CYP20A1: variants seen among roughly 807,000 people sequenced by gnomAD.
CYP20A1 encodes cytochrome P450 20A1.
In CYP20A1, 61 loss-of-function variants were observed where a neutral mutation model predicts 61.4. That is an observed-to-expected ratio of 0.99 (90% confidence interval 0.81 to 1.23). CYP20A1 has a LOEUF of 1.23. CYP20A1 is among the 50% of genes most tolerant of loss of function. CYP20A1 has a pLI of 0.00. For synonymous variants in CYP20A1, 193 were observed against 188.2 expected (o/e 1.03, Z -0.21); for missense variants, 530 against 542.4 (o/e 0.98, Z 0.23).
chr2:203,270,451 T>G (rs1343243270), intron 5 of CYP20A1, among the ~76,000 whole-genome samples: 2 of 152,006 alleles, frequency 1.3e-5, no homozygotes, highest in Non-Finnish European at 2.9e-5. Flanking sequence ...ATAGCTGGGA[T>G]TTTAGGCCCA....
chr2:203,280,573 T>C (rs895328048), intron 8 of CYP20A1, among the ~76,000 whole-genome samples: 12 of 152,186 alleles, frequency 7.9e-5, no homozygotes, highest in African/African-American at 2.7e-4. Context: ...TGGTGGCGCA[T>C]GCCTGTGGTT....
At chr2:203,259,751 C>G (rs2152067420) in intron 4 of CYP20A1, 1 of 150,576 alleles carries the variant, frequency 6.6e-6, no homozygotes, top group East Asian at 2.0e-4. Flanking sequence ...GGCGTGGTGG[C>G]ACATGCCTGT....
intron 5 of CYP20A1, among the ~76,000 whole-genome samples, chr2:203,267,917 A>G (rs1410630180): frequency 2.0e-5 from 3 of 151,606 alleles, no homozygotes; most frequent in South Asian, 2.1e-4. Flanking sequence ...TTTATCCTGC[A>G]TATTTTTATG....
At chr2:203,280,166 G>A in intron 8 of CYP20A1, 53 bp downstream of exon 8, 1 of 1,423,796 alleles carries the variant, frequency 7.0e-7, no homozygotes, top group Non-Finnish European at 9.6e-7. Context: ...TATAGGCTGA[G>A]CACAGTGGCT....
At chr2:203,263,322 C>A (rs1476431773) in intron 4 of CYP20A1, among the ~76,000 whole-genome samples, 1 of 139,556 alleles carries the variant, frequency 7.2e-6, no homozygotes, top group Non-Finnish European at 1.5e-5. Flanking sequence ...GCGGAGTCTC[C>A]CTCTGTCGCC....
intron 8 of CYP20A1, among the ~76,000 whole-genome samples, chr2:203,285,018 C>G (rs560316866): frequency 6.6e-6 from 1 of 152,090 alleles, no homozygotes; most frequent in Admixed American, 6.6e-5. Flanking sequence ...CCAAAGTGAT[C>G]CCCTCCGTGT....
rs2152074826 is a variant in CYP20A1, at chr2:203,266,199, A to T, written c.433-315A>T. On this transcript the variant is annotated intron_variant, in intron 4 of 12. Transcript: ENST00000356079. ...TTTTCATTATTTTTAATTAGATACC[A>T]AGAGTATGGTCTTTTAATTTCCGTT... Among the ~76,000 whole-genome samples, 2 of 152,280 alleles carry T rather than the reference A, an allele frequency of 1.3e-5. 1 individual carries two copies. The highest frequency in any genetic ancestry group is 4.1e-4 in the South Asian group (2 of 4,824).
chr2:203,302,981 G>A lies in CYP20A1; in HGVS notation c.*6073G>A, dbSNP rs770149513. ...GCTGGGATTACAAGCATGAGCCACC[G>A]CGCTCGGTCCCTTTCTTTTTATTTA... On this transcript the variant is annotated 3_prime_UTR_variant, in exon 13 of 13. Transcript: ENST00000356079. Among the ~76,000 whole-genome samples, 6 of 151,706 alleles carry A rather than the reference G, an allele frequency of 4.0e-5. No homozygotes were observed. The highest frequency in any genetic ancestry group is 7.3e-5 in the African/African-American group (3 of 41,294).
At chr2:203,246,312 G>A (rs1011075213) in intron 2 of CYP20A1, among the ~76,000 whole-genome samples, 1 of 152,144 alleles carries the variant, frequency 6.6e-6, no homozygotes, top group Middle Eastern at 3.2e-3. Context: ...AAGGAGGGTC[G>A]TGTAAATCAA....
At chr2:203,286,942 G>A (rs1033364518) in intron 9 of CYP20A1, among the ~76,000 whole-genome samples, 5 of 151,886 alleles carry the variant, frequency 3.3e-5, no homozygotes, top group Non-Finnish European at 7.4e-5. Context: ...GTGGCTGGGC[G>A]CAGTGGCCCA....
At chr2:203,268,094 A>G (rs967409401) in intron 5 of CYP20A1, among the ~76,000 whole-genome samples, 1 of 152,110 alleles carries the variant, frequency 6.6e-6, no homozygotes, top group Admixed American at 6.6e-5. Flanking sequence ...TTCATCTTCT[A>G]TCTTTATCTA....
intron 9 of CYP20A1, among the ~76,000 whole-genome samples, chr2:203,287,504 G>A (rs913294715): frequency 2.2e-4 from 34 of 152,142 alleles, no homozygotes; most frequent in African/African-American, 7.7e-4. Flanking sequence ...CCAGGAGTTT[G>A]AGACCATTCA....
chr2:203,240,143 G>T (rs1344884620), intron 1 of CYP20A1, among the ~76,000 whole-genome samples: 1 of 152,132 alleles, frequency 6.6e-6, no homozygotes, highest in South Asian at 2.1e-4. Flanking sequence ...ACAAAGCAAG[G>T]TGGTGGTTTT....
chr2:203,277,587 C>G (rs1311091268), intron 6 of CYP20A1, among the ~76,000 whole-genome samples: 1 of 151,880 alleles, frequency 6.6e-6, no homozygotes, highest in Non-Finnish European at 1.5e-5. Flanking sequence ...ACAATCTTGG[C>G]TCACTGCAAC....
intron 10 of CYP20A1, among the ~76,000 whole-genome samples, chr2:203,290,504 TACTC>T (rs1262502711): frequency 6.6e-6 from 1 of 152,196 alleles, no homozygotes; most frequent in Non-Finnish European, 1.5e-5. Context: ...TGTGAAAAGT[TACTC>T]TTTCTATATT....
chr2:203,268,900 T>C (rs1201976508), intron 5 of CYP20A1, among the ~76,000 whole-genome samples: 2 of 152,152 alleles, frequency 1.3e-5, no homozygotes, highest in Non-Finnish European at 2.9e-5. Flanking sequence ...AATTTGTGAA[T>C]TCAGAGCCAA....
rs541345515 is a variant in CYP20A1 at position 203,302,708 on chromosome 2, G to C, written c.*5800G>C. On this transcript the variant is annotated 3_prime_UTR_variant, in exon 13 of 13. Coordinates refer to ENST00000356079, the MANE Select transcript of CYP20A1 (RefSeq NM_177538.3). ...TTTTGTCATTCTTTATCTTTTTTGT[G>C]TGTGTGTGACAGAGTCTCACTGTCA... Among the ~76,000 whole-genome samples, 1 of 151,906 alleles carries C rather than the reference G, an allele frequency of 6.6e-6. No homozygotes were observed. Among genetic ancestry groups the C allele is most frequent in the African/African-American group, 2.4e-5 (1 of 41,358 alleles).
Position 203,266,518 on chromosome 2 carries a change from C to G in CYP20A1, c.437C>G (p.Ser146Ter). The G allele has an allele frequency of 6.2e-7, 1 of 1,613,476 alleles. No homozygotes were observed. Among genetic ancestry groups the G allele is most frequent in the Non-Finnish European group, 8.5e-7 (1 of 1,179,540 alleles). ...TGCTTTTCTGTTCTCTTTCAGCTTT[C>G]AGAAGAATTATTAGATAAATGGCTC... ...KSNFALLLKL[S>*]EELLDKWLSY... Residue 146 changes from serine to a stop codon, truncating the protein, a stop_gained, in exon 5 of 13, where the codon TCA becomes TGA. Transcript: ENST00000356079. LOFTEE classifies it high-confidence loss of function.
chr2:203,282,205 T>G (rs1398397174), intron 8 of CYP20A1, among the ~76,000 whole-genome samples: 1 of 151,980 alleles, frequency 6.6e-6, no homozygotes, highest in African/African-American at 2.4e-5. Context: ...GCTTGGCTAA[T>G]TTTTGTATTT....
Sources: gnomAD v4.1 joint callset for allele counts (sites outside exome capture counted in the v4.1 genomes callset) on GRCh38, gnomAD v4.1.1 for gene constraint, MANE v1.5 for transcripts, NCBI Gene and HGNC (gene_info 2026-07-23, HGNC 2026-07-21) for gene names.